The following FAM149A variants were observed in gnomAD, a reference collection of about 807,000 sequenced individuals.
The protein encoded by FAM149A is family with sequence similarity 149 member A.
In FAM149A, 71 loss-of-function variants were observed where a neutral mutation model predicts 78.2. The ratio of observed to expected loss-of-function variants is 0.91; its 90% confidence interval spans 0.75 to 1.11. The LOEUF (loss-of-function observed/expected upper bound fraction) is 1.11, where lower values mean the gene tolerates loss of function less well. Among genes scored for constraint, FAM149A ranks in the 50% least tolerant of loss-of-function variants. The pLI, the probability that FAM149A is intolerant of heterozygous loss-of-function variation, is 0.00. For missense variants in FAM149A, 1,036 were observed against 971.0 expected (o/e 1.07, Z -0.89); for synonymous variants, 446 against 410.5 (o/e 1.09, Z -1.04).
chr4:186,128,825 CTGTG>C (rs377104585), intron 1 of FAM149A, among the ~76,000 whole-genome samples: 27 of 151,772 alleles, frequency 1.8e-4, no homozygotes, highest in East Asian at 5.8e-4. Context: ...GGATGGATGT[CTGTG>C]TGTATGTGCA....
intron 1 of FAM149A, among the ~76,000 whole-genome samples, chr4:186,105,895 A>G (rs2099308559): frequency 6.6e-6 from 1 of 152,208 alleles, no homozygotes; most frequent in Admixed American, 6.5e-5. Context: ...AGGAAGGGAC[A>G]GAATTTTGTT....
At chr4:186,168,226 T>A (rs1735224095) in intron 13 of FAM149A, among the ~76,000 whole-genome samples, 1 of 152,262 alleles carries the variant, frequency 6.6e-6, no homozygotes, top group African/African-American at 2.4e-5. Flanking sequence ...CCTGCGCTAG[T>A]CGCTCTGGGC....
Position 186,152,539 on chromosome 4 carries a change from C to CTTTTTTTTTTT in FAM149A, c.932+507_932+517dup, listed in dbSNP as rs10718602. ...AAGGCAAGCTTTTCTTTTCTTTTTG[C>CTTTTTTTTTTT]TTTTTTTTTTTTTTTTTTTTTTTGA... On this transcript the variant is annotated intron_variant, in intron 4 of 13. Coordinates refer to ENST00000389354, the MANE Select transcript of FAM149A (RefSeq NM_001367768.3). 4.1e-4 allele frequency among the ~76,000 whole-genome samples: 36 copies of CTTTTTTTTTTT among 88,282 alleles called. 1 individual carries two copies. The highest frequency in any genetic ancestry group is 0.01 in the Middle Eastern group (1 of 96). The allele number at this position is 88,282 out of a possible 152,430, so 57.9% of individuals were successfully genotyped here.
chr4:186,125,851 T>TG, intron 1 of FAM149A: 1 of 985,336 alleles, frequency 1.0e-6, no homozygotes, highest in Non-Finnish European at 1.2e-6. Flanking sequence ...GATGAGATGT[T>TG]GAAGAAGCAA....
At chr4:186,132,219 T>G in intron 1 of FAM149A, 3 of 985,366 alleles carry the variant, frequency 3.0e-6, no homozygotes, top group Non-Finnish European at 3.6e-6. Context: ...ATCTGAAAAG[T>G]AAGCCATCAG....
chr4:186,166,590 G>A (rs1208225379), intron 11 of FAM149A, among the ~76,000 whole-genome samples: 1 of 147,450 alleles, frequency 6.8e-6, no homozygotes, highest in Non-Finnish European at 1.5e-5. Flanking sequence ...GGCCAAGGTT[G>A]CAGTGAGCCG....
intron 1 of FAM149A, chr4:186,123,688 C>A: frequency 3.2e-6 from 1 of 314,772 alleles, no homozygotes; most frequent in Non-Finnish European, 4.6e-6. Context: ...GTGGCTGCTG[C>A]TTTTGCAGCA....
chr4:186,161,327 G>C (rs569378748), intron 8 of FAM149A, among the ~76,000 whole-genome samples: 1 of 152,146 alleles, frequency 6.6e-6, no homozygotes, highest in Non-Finnish European at 1.5e-5. Context: ...CTAAACCCGC[G>C]ATCTTTGTGA....
chr4:186,165,897 T>C (rs953596751), intron 11 of FAM149A, among the ~76,000 whole-genome samples: 14 of 152,230 alleles, frequency 9.2e-5, no homozygotes, highest in African/African-American at 3.4e-4. Flanking sequence ...CTCTAAAGAA[T>C]TGTTAGAAGG....
At chr4:186,145,647 C>A in intron 1 of FAM149A, among the ~76,000 whole-genome samples, 1 of 152,242 alleles carries the variant, frequency 6.6e-6, no homozygotes, top group South Asian at 2.1e-4. Context: ...AACCTCCATG[C>A]GCCAACAAAT....
In FAM149A at chr4:186,105,560, G is replaced by A; in HGVS notation, c.484G>A (p.Ala162Thr). The A allele has an allele frequency of 4.4e-6, 5 of 1,130,816 alleles. No homozygotes were observed. Among genetic ancestry groups the A allele is most frequent in the Non-Finnish European group, 5.4e-6 (5 of 917,952 alleles). 70.0% of individuals were successfully genotyped at this position (1,130,816 alleles called of 1,614,324 possible). A position where few individuals can be genotyped will look rare whatever the true frequency, so the allele number is the denominator to read the frequency against. ...GCTCGGCGCCTGCGTGGCCCCCGGG[G>A]CTGGCCCCAGAACCCTGTTCCTTAC... The change falls in exon 1 of 14, where the codon GCT becomes ACT. Residue 162 changes from alanine (A) to threonine (T), a missense_variant. Around this residue, in one of 3 missense-constraint regions of FAM149A, gnomAD observed 316 missense variants for 241.9 expected, o/e 1.31. Transcript: ENST00000389354.
At chr4:186,157,894 C>T in intron 8 of FAM149A, 175 bp downstream of exon 8, 1 of 1,535,240 alleles carries the variant, frequency 6.5e-7, no homozygotes. Context: ...CACAGTGTCA[C>T]AATGCCTGGA....
At chr4:186,124,560 A>T (rs2099317490) in intron 1 of FAM149A, among the ~76,000 whole-genome samples, 1 of 151,920 alleles carries the variant, frequency 6.6e-6, no homozygotes, top group Admixed American at 6.6e-5. Context: ...GATGGTTTTC[A>T]GCGTCATCCA....
At chr4:186,136,728 G>A (rs192652008) in intron 1 of FAM149A, among the ~76,000 whole-genome samples, 10 of 152,214 alleles carry the variant, frequency 6.6e-5, no homozygotes, top group African/African-American at 2.4e-4. Context: ...AGGAGCTTTA[G>A]CGTCTCTGTA....
chr4:186,154,699 T>C (rs1032969642), intron 6 of FAM149A, 61 bp downstream of exon 6: 1 of 1,515,458 alleles, frequency 6.6e-7, no homozygotes, highest in African/African-American at 1.4e-5. Context: ...TTGACATTTA[T>C]TGTTATCGTA....
intron 1 of FAM149A, chr4:186,125,860 A>C: frequency 1.0e-6 from 1 of 985,418 alleles, no homozygotes; most frequent in Middle Eastern, 5.2e-4. Flanking sequence ...TTGAAGAAGC[A>C]ACGTAGAGGA....
intron 1 of FAM149A, chr4:186,109,836 A>G: frequency 1.0e-6 from 1 of 985,382 alleles, no homozygotes; most frequent in African/African-American, 1.7e-5. Context: ...ATTTGGGAGA[A>G]CAAATTATAG....
intron 1 of FAM149A, chr4:186,116,655 C>A (rs13137522): frequency 0.12 from 116,741 of 963,778 alleles, 7,431 homozygotes; most frequent in South Asian, 0.13. Flanking sequence ...TGGAGGGCAG[C>A]GGCACGATCT....
chr4:186,151,953 G>A lies in FAM149A; in HGVS notation c.840G>A (p.Val280=), dbSNP rs755451059. 2.5e-6 allele frequency: 4 copies of A among 1,614,150 alleles called. No homozygotes were observed. The highest frequency in any genetic ancestry group is 3.4e-6 in the Non-Finnish European group (4 of 1,180,032). Residue 280 remains valine (V), a synonymous_variant, in exon 4 of 14, where the codon GTG becomes GTA. Coordinates refer to ENST00000389354, the MANE Select transcript of FAM149A (RefSeq NM_001367768.3). ...CAGTGCAGCGGTTACTCTGGGAGGTGGAGGAAATGTTATTTGAAGGGAAAG... is the reference window on the plus strand; with the variant it reads ...CAGTGCAGCGGTTACTCTGGGAGGTAGAGGAAATGTTATTTGAAGGGAAAG...
Sources: gnomAD v4.1 joint callset for allele counts (sites outside exome capture counted in the v4.1 genomes callset) on GRCh38, gnomAD v4.1.1 for gene constraint, gnomAD v4.1.1 regional missense constraint, MANE v1.5 for transcripts, NCBI Gene and HGNC (gene_info 2026-07-23, HGNC 2026-07-21) for gene names.